Variants in SGMS2 observed in about 807,000 individuals in gnomAD.
SGMS2 encodes the protein sphingomyelin synthase 2, also known as phosphatidylcholine:ceramide cholinephosphotransferase 2.
A neutral mutation model predicts 43.8 loss-of-function variants in SGMS2; 21 were observed. The observed-to-expected ratio is 0.48, with a 90% CI of 0.34 to 0.69. The LOEUF (loss-of-function observed/expected upper bound fraction) is 0.69. SGMS2 is among the 30% of genes least tolerant of loss of function. The probability of loss-of-function intolerance (pLI) is 0.01; values close to 1 mark genes in which losing one functional copy is unlikely to be tolerated. For missense variants in SGMS2, 384 were observed against 443.2 expected (o/e 0.87, Z 1.20); for synonymous variants, 167 against 160.6 (o/e 1.04, Z -0.30).
intron 1 of SGMS2, among the ~76,000 whole-genome samples, chr4:107,856,781 C>G (rs868734001): frequency 6.6e-6 from 1 of 152,092 alleles, no homozygotes; most frequent in African/African-American, 2.4e-5. Context: ...TGGAATATAG[C>G]ATTTTGGGCC....
intron 2 of SGMS2, among the ~76,000 whole-genome samples, chr4:107,891,740 T>C (rs1560664094): frequency 1.3e-5 from 2 of 152,134 alleles, no homozygotes; most frequent in African/African-American, 4.8e-5. Context: ...GGACCAGGTG[T>C]GCCATTTGCA....
At chr4:107,854,648 G>T (rs1196953058) in intron 1 of SGMS2, among the ~76,000 whole-genome samples, 1 of 152,168 alleles carries the variant, frequency 6.6e-6, no homozygotes, top group Non-Finnish European at 1.5e-5. Flanking sequence ...CCTCAGCTCT[G>T]GTTATCAGAA....
At chr4:107,877,990 A>G (rs936591503) in intron 2 of SGMS2, among the ~76,000 whole-genome samples, 3 of 138,130 alleles carry the variant, frequency 2.2e-5, no homozygotes, top group Non-Finnish European at 3.0e-5. Flanking sequence ...ATCTCGGCTC[A>G]CTGCAACCTC....
intron 2 of SGMS2, among the ~76,000 whole-genome samples, chr4:107,877,135 TA>T (rs76292722): frequency 3.3e-4 from 48 of 145,948 alleles, no homozygotes; most frequent in Non-Finnish European, 3.6e-4. Flanking sequence ...CCCATATTTC[TA>T]AAAAAAAAAA....
chr4:107,861,345 C>T (rs1727721044), intron 2 of SGMS2, among the ~76,000 whole-genome samples: 1 of 152,178 alleles, frequency 6.6e-6, no homozygotes. Flanking sequence ...AATTTGATTT[C>T]CCAAGACCTA....
At chr4:107,901,107 G>A (rs1731077251) in intron 4 of SGMS2, among the ~76,000 whole-genome samples, 1 of 152,180 alleles carries the variant, frequency 6.6e-6, no homozygotes, top group South Asian at 2.1e-4. Flanking sequence ...CTGTGGAAGA[G>A]TTGCAATCTT....
intron 1 of SGMS2, among the ~76,000 whole-genome samples, chr4:107,848,117 G>A (rs1390896012): frequency 1.3e-5 from 2 of 152,012 alleles, no homozygotes; most frequent in East Asian, 1.9e-4. Flanking sequence ...TCTCTTTACT[G>A]TCTCCATAGT....
At chr4:107,848,771 T>G (rs1244455976) in intron 1 of SGMS2, among the ~76,000 whole-genome samples, 1 of 152,176 alleles carries the variant, frequency 6.6e-6, no homozygotes, top group Non-Finnish European at 1.5e-5. Context: ...TCTTGTTGAG[T>G]TTTAGGAGCT....
chr4:107,855,027 A>G (rs923331499), intron 1 of SGMS2, among the ~76,000 whole-genome samples: 4 of 152,080 alleles, frequency 2.6e-5, no homozygotes, highest in Admixed American at 6.6e-5. Context: ...TTTCCCCTCT[A>G]TCTACAAAGG....
intron 2 of SGMS2, chr4:107,874,125 T>G (rs958943702): frequency 1.3e-5 from 2 of 152,160 alleles, no homozygotes; most frequent in African/African-American, 2.4e-5. Context: ...TATACTGTGT[T>G]CTAGGTTTCT....
At chr4:107,878,674 G>A (rs187047703) in intron 2 of SGMS2, among the ~76,000 whole-genome samples, 3 of 152,098 alleles carry the variant, frequency 2.0e-5, no homozygotes, top group Non-Finnish European at 2.9e-5. Context: ...TTATTAAAGC[G>A]ACTTCCCATG....
At chr4:107,901,560 T>G (rs1166321798) in intron 4 of SGMS2, among the ~76,000 whole-genome samples, 1 of 152,200 alleles carries the variant, frequency 6.6e-6, no homozygotes, top group African/African-American at 2.4e-5. Context: ...CAGACATGCT[T>G]ACAAGAGCCA....
intron 2 of SGMS2, among the ~76,000 whole-genome samples, chr4:107,881,166 C>T (rs774280333): frequency 3.3e-5 from 5 of 151,774 alleles, no homozygotes; most frequent in Admixed American, 6.6e-5. Context: ...TGAAGAATTG[C>T]CTGTATTGCA....
At chr4:107,827,843 G>A (rs1419243443) in intron 1 of SGMS2, among the ~76,000 whole-genome samples, 5 of 151,970 alleles carry the variant, frequency 3.3e-5, no homozygotes, top group Non-Finnish European at 7.4e-5. Flanking sequence ...AAAATTAGCC[G>A]GGCATGTTGG....
intron 1 of SGMS2, among the ~76,000 whole-genome samples, chr4:107,854,800 A>G (rs1438218518): frequency 6.6e-6 from 1 of 152,160 alleles, no homozygotes; most frequent in Non-Finnish European, 1.5e-5. Flanking sequence ...CTTGGGATTT[A>G]TTGAGAAACA....
chr4:107,856,483 C>G (rs1727433890), intron 1 of SGMS2, among the ~76,000 whole-genome samples: 1 of 152,166 alleles, frequency 6.6e-6, no homozygotes, highest in African/African-American at 2.4e-5. Context: ...TTAGAAATAT[C>G]ATTAATACCA....
chr4:107,895,480 G>C lies in SGMS2; in HGVS notation c.-74G>C. The C allele has an allele frequency of 2.8e-6, 4 of 1,428,974 alleles. No homozygotes were observed. Among genetic ancestry groups the C allele is most frequent in the Non-Finnish European group, 3.8e-6 (4 of 1,051,462 alleles). 88.5% of individuals were successfully genotyped at this position (1,428,974 alleles called of 1,614,324 possible). On this transcript the variant is annotated 5_prime_UTR_variant, in exon 3 of 7. Transcript: ENST00000690982. ...TCCATGTTGATCTTGGAAATAGAAGGATTGAAAAAAGCTAAATTTCCACAA... is the reference window on the plus strand; with the variant it reads ...TCCATGTTGATCTTGGAAATAGAAGCATTGAAAAAAGCTAAATTTCCACAA...
At chr4:107,841,108 C>T (rs149923802) in intron 1 of SGMS2, among the ~76,000 whole-genome samples, 6 of 152,140 alleles carry the variant, frequency 3.9e-5, no homozygotes, top group African/African-American at 1.4e-4. Context: ...GAAGAGAGAC[C>T]CACTTTAAAG....
At chr4:107,882,351 GTGA>G (rs1729425899) in intron 2 of SGMS2, among the ~76,000 whole-genome samples, 1 of 152,114 alleles carries the variant, frequency 6.6e-6, no homozygotes. Flanking sequence ...TTGTATTTCT[GTGA>G]TGATCATTGA....
Sources: allele counts gnomAD v4.1 joint callset (sites outside exome capture counted in the v4.1 genomes callset), GRCh38; gene constraint gnomAD v4.1.1; transcripts MANE v1.5; gene names NCBI Gene and HGNC (gene_info 2026-07-23, HGNC 2026-07-21).